Variants in NAT2 observed in about 807,000 individuals in gnomAD.
The protein encoded by NAT2 is arylamine N-acetyltransferase 2.
For missense variants in NAT2, 428 were observed against 339.1 expected, an observed-to-expected ratio of 1.26 and a Z score of -2.06; for synonymous variants, 137 against 125.9, an observed-to-expected ratio of 1.09 and a Z score of -0.59.
At chr8:18,396,077 G>A (rs1195835081) in intron 1 of NAT2, among the ~76,000 whole-genome samples, 1 of 149,708 alleles carries the variant, frequency 6.7e-6, no homozygotes, top group Non-Finnish European at 1.5e-5. Flanking sequence ...TATTATTAAT[G>A]CTAAAGTTAG....
chr8:18,397,722 T>C (rs1800717674), intron 1 of NAT2, among the ~76,000 whole-genome samples: 1 of 152,232 alleles, frequency 6.6e-6, no homozygotes, highest in South Asian at 2.1e-4. Context: ...AGTTTTAATG[T>C]TTAATGCTAT....
upstream of NAT2, among the ~76,000 whole-genome samples, chr8:18,388,290 G>A (rs1055394046): frequency 2.6e-5 from 4 of 152,134 alleles, no homozygotes; most frequent in African/African-American, 7.2e-5. Flanking sequence ...TTAGTTTCTA[G>A]AATTGAGAAT....
rs1483375862 is a variant in NAT2 at position 18,400,601 on chromosome 8, G to T, written c.598G>T (p.Glu200Ter). 1.2e-6 allele frequency: 2 copies of T among 1,613,506 alleles called. No individual in the cohort carries two copies. Among genetic ancestry groups the T allele is most frequent in the Non-Finnish European group, 8.5e-7 (1 of 1,179,878 alleles). ...ATTTACGCTTGAACCTCGAACAATT[G>T]AAGATTTTGAGTCTATGAATACATA... Reference protein sequence around the residue: ...YLFTLEPRTIEDFESMNTYLQ... With the variant: ...YLFTLEPRTI Residue 200 changes from glutamate to a stop codon, truncating the protein, a stop_gained, in exon 2 of 2, where the codon GAA (glutamate) becomes TAA (stop). Transcript: ENST00000286479. LOFTEE classifies it low-confidence loss of function (END_TRUNC).
chr8:18,400,032 T>A lies in NAT2; in HGVS notation c.29T>A (p.Ile10Asn), dbSNP rs72466456. The A allele has an allele frequency of 7.5e-6, 12 of 1,597,294 alleles. No homozygotes were observed. In the Admixed American group the frequency reaches 2.1e-4, roughly 28 times the overall value. The change falls in exon 2 of 2, where the codon ATT (isoleucine) becomes AAT (asparagine). Residue 10 changes from isoleucine (I) to asparagine (N), a missense_variant. Transcript: ENST00000286479. The stretch of plus-strand genomic sequence containing the variant: ...GACATTGAAGCATATTTTGAAAGAA[T>A]TGGCTATAAGAACTCTAGGAACAAA... MDIEAYFER[I>N]GYKNSRNKLD...
At chr8:18,393,110 T>C (rs547373672) in intron 1 of NAT2, among the ~76,000 whole-genome samples, 243 of 152,032 alleles carry the variant, frequency 1.6e-3, no homozygotes, top group African/African-American at 5.5e-3. Flanking sequence ...TTTTTAAATA[T>C]GTCAAAGAAA....
At chr8:18,389,717 G>A (rs915841378), upstream of NAT2, among the ~76,000 whole-genome samples, 1 of 152,094 alleles carries the variant, frequency 6.6e-6, no homozygotes, top group South Asian at 2.1e-4. Context: ...ATATCCCAGC[G>A]AGTTCTGCTA....
In NAT2 at chr8:18,396,448, C is replaced by T. The variant is rs912907425; in HGVS notation, c.-6-3550C>T. Among the ~76,000 whole-genome samples, 6 of 152,040 alleles carry T rather than the reference C, an allele frequency of 3.9e-5. 1 individual carries two copies. The East Asian group carries it at 5.8e-4, about 15-fold the overall frequency. ...AAATTTTTTTTTGTTCTTTTGAGACCGAATCTCACTCTGTCAGCCAGGCTG... is the reference window on the plus strand; with the variant it reads ...AAATTTTTTTTTGTTCTTTTGAGACTGAATCTCACTCTGTCAGCCAGGCTG... On this transcript the variant is annotated intron_variant, in intron 1 of 1. Coordinates refer to ENST00000286479, the MANE Select transcript of NAT2 (RefSeq NM_000015.3).
intron 1 of NAT2, among the ~76,000 whole-genome samples, chr8:18,394,366 T>C (rs1437548963): frequency 6.6e-6 from 1 of 152,222 alleles, no homozygotes; most frequent in Non-Finnish European, 1.5e-5. Context: ...GTAGAACTGA[T>C]TTATTTGCAA....
chr8:18,391,499 A>G (rs961830013), intron 1 of NAT2, among the ~76,000 whole-genome samples, 154 bp downstream of exon 1: 5 of 150,806 alleles, frequency 3.3e-5, no homozygotes, highest in Non-Finnish European at 7.4e-5. Flanking sequence ...CCATAATGGA[A>G]AGGGAGGTCA....
chr8:18,398,937 G>C (rs180960040), intron 1 of NAT2, among the ~76,000 whole-genome samples: 17 of 152,298 alleles, frequency 1.1e-4, no homozygotes, highest in African/African-American at 3.8e-4. Flanking sequence ...ACAGTAGCTA[G>C]ACAGATCACT....
chr8:18,397,315 TA>T (rs1422134400), intron 1 of NAT2, among the ~76,000 whole-genome samples: 1 of 151,772 alleles, frequency 6.6e-6, no homozygotes, highest in Non-Finnish European at 1.5e-5. Context: ...TGAAACAAAG[TA>T]AAAAGGAACC....
Position 18,397,771 on chromosome 8 carries a change from C to A in NAT2, c.-6-2227C>A, listed in dbSNP as rs145351634. Among the ~76,000 whole-genome samples, 647 of 152,144 alleles carry A rather than the reference C, an allele frequency of 4.3e-3. 6 individuals are homozygous for A. Among genetic ancestry groups the A allele is most frequent in the African/African-American group, 0.015 (613 of 41,564 alleles). On this transcript the variant is annotated intron_variant, in intron 1 of 1. Transcript: ENST00000286479. Reference sequence around the variant, plus strand: ...AAACTTCTCAGATATCTCAGAAGTTCAACTTCTGGTGTATCCTGCTGCTTT... The same window carrying A: ...AAACTTCTCAGATATCTCAGAAGTTAAACTTCTGGTGTATCCTGCTGCTTT...
Position 18,400,130 on chromosome 8 carries a change from C to T in NAT2, c.127C>T (p.His43Tyr). Reference sequence around the variant, plus strand: ...TGTTCCCTTTGAGAACCTTAACATGCATTGTGGGCAAGCCATGGAGTTGGG... The same window carrying T: ...TGTTCCCTTTGAGAACCTTAACATGTATTGTGGGCAAGCCATGGAGTTGGG... ...RAVPFENLNM[H>Y]CGQAMELGLE... The change falls in exon 2 of 2, where the codon CAT becomes TAT. Residue 43 changes from histidine (H) to tyrosine (Y), a missense_variant. His to Tyr is a moderately conservative substitution (Grantham distance 83). Coordinates refer to ENST00000286479, the MANE Select transcript of NAT2 (RefSeq NM_000015.3). 6.2e-7 allele frequency: 1 copy of T among 1,613,986 alleles called. No homozygotes were observed. The highest frequency in any genetic ancestry group is 8.5e-7 in the Non-Finnish European group (1 of 1,179,956).
At chr8:18,393,114 A>T (rs1563247885) in intron 1 of NAT2, among the ~76,000 whole-genome samples, 1 of 151,930 alleles carries the variant, frequency 6.6e-6, no homozygotes, top group Non-Finnish European at 1.5e-5. Context: ...TAAATATGTC[A>T]AAGAAATATA....
upstream of NAT2, among the ~76,000 whole-genome samples, chr8:18,387,942 G>C (rs1359774888): frequency 1.3e-5 from 2 of 152,176 alleles, no homozygotes; most frequent in Non-Finnish European, 2.9e-5. Context: ...TGCTAGAAGG[G>C]TTGGAGTTGA....
Position 18,400,026 on chromosome 8 carries a change from A to G in NAT2, c.23A>G (p.Glu8Gly). MDIEAYF[E>G]RIGYKNSRNK... is the part of the protein sequence containing the mutation. ...ATCATGGACATTGAAGCATATTTTG[A>G]AAGAATTGGCTATAAGAACTCTAGG... Residue 8 changes from glutamate to glycine, a missense_variant, in exon 2 of 2, where the codon GAA (glutamate) becomes GGA (glycine). Glu to Gly is a moderately conservative substitution (Grantham distance 98, BLOSUM62 -2). Coordinates refer to ENST00000286479, the MANE Select transcript of NAT2 (RefSeq NM_000015.3). The G allele has an allele frequency of 6.3e-7, 1 of 1,590,066 alleles. No individual in the cohort carries two copies. Among genetic ancestry groups the G allele is most frequent in the Non-Finnish European group, 8.6e-7 (1 of 1,165,968 alleles).
Position 18,400,138 on chromosome 8 carries a change from G to A in NAT2, c.135G>A (p.Gly45=). ...VPFENLNMHC[G]QAMELGLEAI... ...TTGAGAACCTTAACATGCATTGTGGGCAAGCCATGGAGTTGGGCTTAGAGG... is the reference window on the plus strand; with the variant it reads ...TTGAGAACCTTAACATGCATTGTGGACAAGCCATGGAGTTGGGCTTAGAGG... The change falls in exon 2 of 2, where the codon GGG becomes GGA. Residue 45 remains glycine, a synonymous_variant. Transcript: ENST00000286479. 4 of 1,614,008 alleles carry A rather than the reference G, an allele frequency of 2.5e-6. No homozygotes were observed. The highest frequency in any genetic ancestry group is 3.3e-5 in the Admixed American group (2 of 59,988).
In NAT2 at chr8:18,400,204, G is replaced by T. The variant is rs1476310549; in HGVS notation, c.201G>T (p.Trp67Cys). ...DHIVRRNRGG[W>C]CLQVNQLLYW... ...TTGTAAGAAGAAACCGGGGTGGGTG[G>T]TGTCTCCAGGTCAATCAACTTCTGT... is the stretch of plus-strand genomic sequence containing the variant. Residue 67 changes from tryptophan to cysteine, a missense_variant, in exon 2 of 2, where the codon TGG becomes TGT. By Grantham distance (215) the Trp-to-Cys change is radical. Transcript: ENST00000286479. 1 of 1,612,922 alleles carries T rather than the reference G, an allele frequency of 6.2e-7. No individual in the cohort carries two copies. The highest frequency in any genetic ancestry group is 2.2e-5 in the East Asian group (1 of 44,862).
chr8:18,400,207 T>G lies in NAT2; in HGVS notation c.204T>G (p.Cys68Trp). The change falls in exon 2 of 2, where the codon TGT (cysteine) becomes TGG (tryptophan). Residue 68 changes from cysteine (C) to tryptophan (W), a missense_variant. Cys to Trp is a radical substitution (Grantham distance 215). Coordinates refer to ENST00000286479, the MANE Select transcript of NAT2 (RefSeq NM_000015.3). ...TAAGAAGAAACCGGGGTGGGTGGTG[T>G]CTCCAGGTCAATCAACTTCTGTACT... ...HIVRRNRGGW[C>W]LQVNQLLYWA... The G allele has an allele frequency of 1.2e-6, 2 of 1,612,078 alleles. No homozygotes were observed. The highest frequency in any genetic ancestry group is 2.7e-5 in the African/African-American group (2 of 74,960).
Sources: allele counts gnomAD v4.1 joint callset (sites outside exome capture counted in the v4.1 genomes callset), GRCh38; gene constraint gnomAD v4.1.1; transcripts MANE v1.5; gene names NCBI Gene and HGNC (gene_info 2026-07-23, HGNC 2026-07-21).